Variants in RTTN observed in about 807,000 individuals in gnomAD.
The protein encoded by RTTN is rotatin.
A neutral mutation model predicts 269.2 loss-of-function variants in RTTN; 182 were observed. The ratio of observed to expected loss-of-function variants is 0.68; its 90% CI spans 0.60 to 0.76. RTTN has a LOEUF of 0.76. Among genes scored for constraint, RTTN ranks in the 30% least tolerant of loss-of-function variants. RTTN has a pLI of 0.00. For synonymous variants in RTTN, 1,006 were observed against 963.5 expected (o/e 1.04, Z -0.82); for missense variants, 2,545 against 2,608.6 (o/e 0.98, Z 0.53).
chr18:70,013,393 A>ATG (rs747807433), intron 46 of RTTN, among the ~76,000 whole-genome samples: 232 of 147,380 alleles, frequency 1.6e-3, no homozygotes, highest in African/African-American at 3.5e-3. Flanking sequence ...ATATATACAT[A>ATG]TGTGTGTGTG....
intron 46 of RTTN, among the ~76,000 whole-genome samples, chr18:70,010,787 A>G (rs963708724): frequency 6.6e-6 from 1 of 152,200 alleles, no homozygotes; most frequent in Non-Finnish European, 1.5e-5. Flanking sequence ...CAAAAAATCA[A>G]TGAATCCCGG....
rs1292576873 is a variant in RTTN, at chr18:70,142,310, T to C, written c.2559A>G (p.Glu853=). 1 of 1,604,124 alleles carries C rather than the reference T, an allele frequency of 6.2e-7. No homozygotes were observed. Among genetic ancestry groups the C allele is most frequent in the Non-Finnish European group, 8.5e-7 (1 of 1,172,746 alleles). Residue 853 remains glutamate (E), a synonymous_variant, in exon 19 of 49, where the codon GAA becomes GAG. Coordinates refer to ENST00000640769, the MANE Select transcript of RTTN (RefSeq NM_173630.4). ...VDLVLRKSAA[E]QLAVIMQDIK... is the part of the protein sequence containing the mutation. ...TACCTTGCATAATCACAGCTAACTG[T>C]TCAGCAGCTGACTTTCTCAAAACGA...
chr18:70,178,193 C>T (rs2061346940), intron 10 of RTTN, among the ~76,000 whole-genome samples: 1 of 152,134 alleles, frequency 6.6e-6, no homozygotes, highest in African/African-American at 2.4e-5. Flanking sequence ...CACACCACTG[C>T]TCTCAGGCCT....
intron 38 of RTTN, among the ~76,000 whole-genome samples, chr18:70,053,808 A>C (rs2057740626): frequency 6.6e-6 from 1 of 152,244 alleles, no homozygotes; most frequent in African/African-American, 2.4e-5. Context: ...TGTTATTGGG[A>C]ATGTTTTATT....
intron 2 of RTTN, 135 bp from the exon 3 acceptor site, chr18:70,204,398 C>G (rs973387332): frequency 2.7e-6 from 2 of 740,136 alleles, no homozygotes; most frequent in African/African-American, 1.8e-5. Flanking sequence ...GGCTCTGCCC[C>G]GAAGTAAGGC....
intron 11 of RTTN, among the ~76,000 whole-genome samples, chr18:70,176,194 GATGTAGATGTATATGTATATGTAT>G (rs1329322773): frequency 0.013 from 1,827 of 143,368 alleles, 32 homozygotes; most frequent in African/African-American, 0.046. Flanking sequence ...CGTAGATGTA[GATGTAGATGTATATGTATATGTAT>G]ATGTATATGT....
In RTTN at chr18:70,078,122, T is replaced by G. The variant is rs144340481; in HGVS notation, c.4375-2581A>C. Among the ~76,000 whole-genome samples the G allele has an allele frequency of 4.5e-3, 687 of 151,610 alleles. 5 individuals are homozygous for G. The highest frequency in any genetic ancestry group is 0.016 in the African/African-American group (649 of 41,446). On this transcript the variant is annotated intron_variant, in intron 32 of 48. Coordinates refer to ENST00000640769, the MANE Select transcript of RTTN (RefSeq NM_173630.4). ...AGAAAAATGGAAAAAAGGTACATAA[T>G]AAAAAAATTCTAAACATTGAGGACA...
intron 23 of RTTN, among the ~76,000 whole-genome samples, chr18:70,132,526 AC>A (rs1175838901): frequency 6.6e-6 from 1 of 152,000 alleles, no homozygotes; most frequent in East Asian, 1.9e-4. Flanking sequence ...TTCACTAGTT[AC>A]CCCCAATAAC....
intron 7 of RTTN, 66 bp from the exon 8 acceptor site, chr18:70,193,519 T>A: frequency 8.8e-7 from 1 of 1,133,300 alleles, no homozygotes. Flanking sequence ...ATGTGGTATT[T>A]ATGTATCATT....
chr18:70,074,141 T>A (rs1311771268), intron 33 of RTTN, 147 bp from the exon 34 acceptor site: 228 of 354,946 alleles, frequency 6.4e-4, no homozygotes, highest in African/African-American at 9.6e-4. Flanking sequence ...GACCACTATT[T>A]AAAAAAAAAA....
At chr18:70,151,533 C>T (rs113568646) in intron 14 of RTTN, among the ~76,000 whole-genome samples, 119 of 152,144 alleles carry the variant, frequency 7.8e-4, no homozygotes, top group African/African-American at 2.5e-3. Context: ...CTATTATCAA[C>T]AATTCAAAGG....
intron 10 of RTTN, among the ~76,000 whole-genome samples, chr18:70,182,060 T>A (rs919408738): frequency 2.6e-5 from 4 of 152,056 alleles, no homozygotes; most frequent in Non-Finnish European, 5.9e-5. Flanking sequence ...AAAGGAAAAA[T>A]TTACTTGTTG....
chr18:70,065,902 A>G lies in RTTN; in HGVS notation c.4674T>C (p.Ser1558=). 6.2e-7 allele frequency: 1 copy of G among 1,600,940 alleles called. No individual in the cohort carries two copies. Among genetic ancestry groups the G allele is most frequent in the Non-Finnish European group, 8.5e-7 (1 of 1,172,720 alleles). The change falls in exon 35 of 49, where the codon AGT becomes AGC. Residue 1558 remains serine (S), a synonymous_variant. Transcript: ENST00000640769. ...SETTVAPSLG[S]TEFQPLVQST... is the part of the protein sequence containing the mutation. The stretch of plus-strand genomic sequence containing the variant: ...ACTGCACAAGTGGCTGAAATTCAGT[A>G]CTCCCCAATGAAGGTGCCACCTATG...
At chr18:70,090,023 A>C (rs2058801627) in intron 30 of RTTN, among the ~76,000 whole-genome samples, 1 of 152,232 alleles carries the variant, frequency 6.6e-6, no homozygotes, top group Admixed American at 6.5e-5. Context: ...ATACCCATTT[A>C]AGAAAAAGAT....
chr18:70,159,852 A>T (rs905505312), intron 14 of RTTN, among the ~76,000 whole-genome samples: 1 of 152,090 alleles, frequency 6.6e-6, no homozygotes. Flanking sequence ...GAAATATACA[A>T]ACTCCCAAGA....
intron 14 of RTTN, 145 bp from the exon 15 acceptor site, chr18:70,150,878 CT>C: frequency 2.1e-6 from 1 of 487,258 alleles, no homozygotes; most frequent in Non-Finnish European, 3.5e-6. Flanking sequence ...GAAAAAGATT[CT>C]CCTGTCTAAC....
intron 19 of RTTN, among the ~76,000 whole-genome samples, chr18:70,141,164 T>C (rs2060247389): frequency 6.6e-6 from 1 of 152,202 alleles, no homozygotes; most frequent in Non-Finnish European, 1.5e-5. Flanking sequence ...TTGTTAAAAC[T>C]AAAAATATGT....
intron 40 of RTTN, 28 bp downstream of exon 40, chr18:70,047,943 G>A: frequency 1.3e-6 from 2 of 1,571,174 alleles, no homozygotes; most frequent in South Asian, 1.1e-5. Context: ...GCTAAATAAA[G>A]TTTTTGAAAA....
intron 28 of RTTN, among the ~76,000 whole-genome samples, chr18:70,108,709 A>G (rs1421949104): frequency 6.6e-6 from 1 of 152,180 alleles, no homozygotes; most frequent in African/African-American, 2.4e-5. Flanking sequence ...GTTGTTTAAC[A>G]TTTTAAAATC....
Sources: gnomAD v4.1 joint callset for allele counts (sites outside exome capture counted in the v4.1 genomes callset) on GRCh38, gnomAD v4.1.1 for gene constraint, MANE v1.5 for transcripts, NCBI Gene and HGNC (gene_info 2026-07-23, HGNC 2026-07-21) for gene names.